The following TGM5 variants were observed in gnomAD, a reference collection of about 807,000 sequenced individuals.
TGM5 encodes protein-glutamine gamma-glutamyltransferase 5.
A neutral mutation model predicts 77.2 loss-of-function variants in TGM5; 69 were observed. The observed-to-expected ratio is 0.89, with a 90% CI of 0.74 to 1.09. The LOEUF (loss-of-function observed/expected upper bound fraction) is 1.09, where lower values mean the gene tolerates loss of function less well. Among genes scored for constraint, TGM5 ranks in the 50% least tolerant of loss-of-function variants. TGM5 has a pLI of 0.00. For missense variants in TGM5, 842 were observed against 896.5 expected, an observed-to-expected ratio of 0.94 and a Z score of 0.78; for synonymous variants, 346 against 351.8, an observed-to-expected ratio of 0.98 and a Z score of 0.18.
chr15:43,258,067 A>G (rs1419451117), intron 3 of TGM5, among the ~76,000 whole-genome samples: 7 of 151,834 alleles, frequency 4.6e-5, no homozygotes, highest in Non-Finnish European at 1.0e-4. Context: ...ATCACACACC[A>G]GGGCCTGTCG....
chr15:43,249,918 A>G (rs2042693167), intron 6 of TGM5, among the ~76,000 whole-genome samples: 1 of 152,216 alleles, frequency 6.6e-6, no homozygotes, highest in South Asian at 2.1e-4. Flanking sequence ...GGGGAGATGC[A>G]TGTCTGAGTC....
At position 43,239,251 on chromosome 15, in the gene TGM5, C is replaced by G. The variant is rs2042616503; in HGVS notation, c.1017G>C (p.Trp339Cys). Residue 339 changes from tryptophan (W) to cysteine (C), a missense_variant, in exon 8 of 13, where the codon TGG (tryptophan) becomes TGC (cysteine). Physicochemically the swap from Trp to Cys is radical, Grantham distance 215. Around this residue, in one of 2 missense-constraint regions of TGM5, gnomAD observed 815 missense variants for 844.6 expected, o/e 0.96. Coordinates refer to ENST00000220420, the MANE Select transcript of TGM5 (RefSeq NM_201631.4). ...KKDTIWNFHV[W>C]NECWMARKDL... ...CCTTCCGGGCCATCCAGCACTCATT[C>G]CAGACATGGAAGTTCCTGTGTCAAA... 1 of 1,614,164 alleles carries G rather than the reference C, an allele frequency of 6.2e-7. No homozygotes were observed. Among genetic ancestry groups the G allele is most frequent in the East Asian group, 2.2e-5 (1 of 44,876 alleles).
intron 6 of TGM5, among the ~76,000 whole-genome samples, chr15:43,241,748 C>T (rs1448199855): frequency 6.6e-6 from 1 of 152,120 alleles, no homozygotes; most frequent in Non-Finnish European, 1.5e-5. Context: ...ATTCTCCTGC[C>T]TCAGCCCCCT....
In TGM5 at chr15:43,240,866, C is replaced by T; in HGVS notation, c.987G>A (p.Lys329=). 2.5e-6 allele frequency: 4 copies of T among 1,614,176 alleles called. No individual in the cohort carries two copies. The highest frequency in any genetic ancestry group is 3.4e-6 in the Non-Finnish European group (4 of 1,180,032). ...TTGTTTCTCACCAGATAGTATCCTT[C>T]TTCTTATTCCCCAAAATCCTGCCTG... ...DNTGRILGNK[K]KDTIWNFHVW... The change falls in exon 7 of 13, where the codon AAG becomes AAA. Residue 329 remains lysine (K), a synonymous_variant. Coordinates refer to ENST00000220420, the MANE Select transcript of TGM5 (RefSeq NM_201631.4).
intron 6 of TGM5, among the ~76,000 whole-genome samples, chr15:43,251,275 T>C (rs1359898532): frequency 6.6e-6 from 1 of 151,952 alleles, no homozygotes; most frequent in African/African-American, 2.4e-5. Flanking sequence ...AGAGGAGTAA[T>C]CTTGGGGCTT....
intron 6 of TGM5, among the ~76,000 whole-genome samples, chr15:43,247,277 G>A (rs1034081888): frequency 8.6e-5 from 13 of 151,384 alleles, no homozygotes; most frequent in Non-Finnish European, 1.9e-4. Flanking sequence ...GTTATCAACA[G>A]CATAACACAA....
At chr15:43,247,960 G>A (rs887810879) in intron 6 of TGM5, among the ~76,000 whole-genome samples, 30 of 152,260 alleles carry the variant, frequency 2.0e-4, no homozygotes, top group Non-Finnish European at 3.4e-4. Flanking sequence ...ATCATGCAGA[G>A]AGGTGAATGG....
chr15:43,245,745 A>G (rs370424789), intron 6 of TGM5, among the ~76,000 whole-genome samples: 1 of 152,200 alleles, frequency 6.6e-6, no homozygotes, highest in South Asian at 2.1e-4. Context: ...AAGGATATCA[A>G]CCTTGAAGGA....
In TGM5 at chr15:43,239,191, C is replaced by T. The variant is rs765845607; in HGVS notation, c.1077G>A (p.Leu359=). Residue 359 remains leucine (L), a synonymous_variant, in exon 8 of 13, where the codon CTG becomes CTA. Transcript: ENST00000220420. ...LPPAYGGWQV[L]DATPQEMSNG... is the part of the protein sequence containing the mutation. The stretch of plus-strand genomic sequence containing the variant: ...TGCTCATCTCCTGAGGTGTGGCGTC[C>T]AGCACCTGCCAGCCTCCATATGCAG... The T allele has an allele frequency of 1.4e-5, 23 of 1,614,018 alleles. No homozygotes were observed. Among genetic ancestry groups the T allele is most frequent in the Non-Finnish European group, 1.8e-5 (21 of 1,180,032 alleles).
At position 43,235,502 on chromosome 15, in the gene TGM5, C is replaced by T. The variant is rs1221564128; in HGVS notation, c.1681G>A (p.Asp561Asn). The T allele has an allele frequency of 2.5e-6, 4 of 1,614,018 alleles. No homozygotes were observed. The East Asian group carries it at 8.9e-5, about 36-fold the overall frequency. The change falls in exon 10 of 13, where the codon GAC becomes AAC. Residue 561 changes from aspartate to asparagine, a missense_variant. By Grantham distance (23) the Asp-to-Asn change is conservative. Transcript: ENST00000220420. ...DGSPLSPFWQ[D>N]TAFITLSPKE... ...GGAGAGAGTGTGATGAACGCTGTGT[C>T]CTGCCAGAATGGGGACAGGGGGCTG...
intron 4 of TGM5, among the ~76,000 whole-genome samples, chr15:43,255,067 C>T (rs1410363311): frequency 6.6e-6 from 1 of 152,120 alleles, no homozygotes; most frequent in East Asian, 1.9e-4. Flanking sequence ...GGCGCGATGG[C>T]ACACACCTGT....
intron 1 of TGM5, 195 bp from the exon 2 acceptor site, chr15:43,260,774 G>T: frequency 1.4e-6 from 1 of 694,996 alleles, no homozygotes; most frequent in South Asian, 1.6e-5. Flanking sequence ...CCATGCATGC[G>T]CTTTCCTCTT....
chr15:43,234,933 A>G lies in TGM5; in HGVS notation c.1715-4T>C. 1 of 1,613,890 alleles carries G rather than the reference A, an allele frequency of 6.2e-7. No individual in the cohort carries two copies. Among genetic ancestry groups the G allele is most frequent in the Admixed American group, 1.7e-5 (1 of 60,026 alleles). Reference sequence around the variant, plus strand: ...ATTTTGCAGGGGTAGGTCTTTGCTAAAGAAAGAACACAAGGATGGGGTGAG... The same window carrying G: ...ATTTTGCAGGGGTAGGTCTTTGCTAGAGAAAGAACACAAGGATGGGGTGAG... On this transcript the variant is annotated splice_polypyrimidine_tract_variant and splice_region_variant and intron_variant, in intron 10 of 12. Coordinates refer to ENST00000220420, the MANE Select transcript of TGM5 (RefSeq NM_201631.4).
intron 6 of TGM5, among the ~76,000 whole-genome samples, chr15:43,250,574 T>A (rs2042697179): frequency 6.6e-6 from 1 of 152,204 alleles, no homozygotes; most frequent in Non-Finnish European, 1.5e-5. Flanking sequence ...AATAATAACA[T>A]ATATATTTTC....
intron 6 of TGM5, among the ~76,000 whole-genome samples, chr15:43,247,318 A>G (rs1262446507): frequency 6.6e-6 from 1 of 152,204 alleles, no homozygotes; most frequent in Non-Finnish European, 1.5e-5. Flanking sequence ...AAAGAAACAG[A>G]AAAATATGAC....
intron 1 of TGM5, among the ~76,000 whole-genome samples, chr15:43,260,895 TTTGA>T (rs1374294480): frequency 1.3e-5 from 2 of 151,978 alleles, no homozygotes; most frequent in Non-Finnish European, 2.9e-5. Context: ...CCTGGCCAAG[TTTGA>T]TTGCTCCCTT....
intron 1 of TGM5, among the ~76,000 whole-genome samples, chr15:43,263,070 T>C (rs2042801383): frequency 6.6e-6 from 1 of 152,262 alleles, no homozygotes; most frequent in South Asian, 2.1e-4. Flanking sequence ...TGTATTTTTA[T>C]ACATTTGCAA....
intron 6 of TGM5, among the ~76,000 whole-genome samples, chr15:43,249,458 C>G (rs934143997): frequency 2.6e-5 from 4 of 152,222 alleles, no homozygotes; most frequent in Non-Finnish European, 2.9e-5. Context: ...AGCAACCACG[C>G]TCTACTTTCT....
intron 6 of TGM5, among the ~76,000 whole-genome samples, chr15:43,252,022 C>G (rs1178928174): frequency 6.6e-6 from 1 of 152,238 alleles, no homozygotes; most frequent in Non-Finnish European, 1.5e-5. Context: ...TGGCCCACAC[C>G]ACAGCCCTGA....
Sources: gnomAD v4.1 joint callset for allele counts (sites outside exome capture counted in the v4.1 genomes callset) on GRCh38, gnomAD v4.1.1 for gene constraint, gnomAD v4.1.1 regional missense constraint, MANE v1.5 for transcripts, NCBI Gene and HGNC (gene_info 2026-07-23, HGNC 2026-07-21) for gene names.